FAT1: variants seen among roughly 807,000 people sequenced by gnomAD.
FAT1 encodes the protein FAT atypical cadherin 1.
A neutral mutation model predicts 329.8 loss-of-function variants in FAT1; 171 were observed. The observed-to-expected ratio is 0.52, with a 90% CI of 0.46 to 0.59. The LOEUF is 0.59. FAT1 is among the 20% of genes least tolerant of loss of function. FAT1 has a pLI of 0.00. For missense variants in FAT1, 5,672 were observed against 5,774.4 expected (o/e 0.98, Z 0.57); for synonymous variants, 2,233 against 2,228.6 (o/e 1.00, Z -0.06).
chr4:186,620,231 A>G lies in FAT1; in HGVS notation c.6355T>C (p.Tyr2119His), dbSNP rs760939328. 1.9e-5 allele frequency: 31 copies of G among 1,614,020 alleles called. No individual in the cohort carries two copies. The highest frequency in any genetic ancestry group is 2.5e-5 in the Non-Finnish European group (29 of 1,179,894). The change falls in exon 10 of 27, where the codon TAC (tyrosine) becomes CAC (histidine). Residue 2119 changes from tyrosine (Y) to histidine (H), a missense_variant. Coordinates refer to ENST00000441802, the MANE Select transcript of FAT1 (RefSeq NM_005245.4). ...DSGRNGEVHY[Y>H]LKEHHEHFQI... is the part of the protein sequence containing the mutation. Reference sequence around the variant, plus strand: ...AAGTGTTCATGATGTTCCTTGAGGTAGTAATGCACTTCCCCGTTTCTGCCA... The same window carrying G: ...AAGTGTTCATGATGTTCCTTGAGGTGGTAATGCACTTCCCCGTTTCTGCCA...
At position 186,600,067 on chromosome 4, in the gene FAT1, G is replaced by A. The variant is rs747904707; in HGVS notation, c.11934C>T (p.Asp3978=). ...QVGNGFRGCM[D]SIYLNGQELP... is the part of the protein sequence containing the mutation. ...GCTCCTGCCCATTCAAATAAATGGA[G>A]TCCATACAACCCCTGAAACCATTAC... Residue 3978 remains aspartate, a synonymous_variant, in exon 22 of 27, where the codon GAC becomes GAT. Transcript: ENST00000441802. 6.8e-6 allele frequency: 11 copies of A among 1,614,038 alleles called. No homozygotes were observed. Among genetic ancestry groups the A allele is most frequent in the Non-Finnish European group, 8.5e-6 (10 of 1,179,904 alleles).
chr4:186,632,629 A>G (rs1246433458), intron 7 of FAT1, among the ~76,000 whole-genome samples: 3 of 152,016 alleles, frequency 2.0e-5, no homozygotes, highest in Admixed American at 6.6e-5. Context: ...TCAATTTTAT[A>G]TACACTAAAA....
rs1744668047 is a variant in FAT1, at chr4:186,707,163, G to A, written c.2665C>T (p.His889Tyr). 1 of 1,613,948 alleles carries A rather than the reference G, an allele frequency of 6.2e-7. No individual in the cohort carries two copies. The highest frequency in any genetic ancestry group is 1.1e-5 in the South Asian group (1 of 91,068). The change falls in exon 2 of 27, where the codon CAT (histidine) becomes TAT (tyrosine). Residue 889 changes from histidine (H) to tyrosine (Y), a missense_variant. His to Tyr is a moderately conservative substitution (Grantham distance 83). Around this residue, in one of 2 missense-constraint regions of FAT1, gnomAD observed 3,966 missense variants for 3,915.2 expected, o/e 1.01. Coordinates refer to ENST00000441802, the MANE Select transcript of FAT1 (RefSeq NM_005245.4). ...IARPLDRELQHEHSLKIEARD... is the reference protein window; with the variant it reads ...IARPLDRELQYEHSLKIEARD... ...GCCTCAATCTTTAAGGAGTGCTCAT[G>A]CTGCAGCTCTCGATCCAGAGGGCGT...
chr4:186,723,583 G>A (rs1445129014), intron 1 of FAT1, 81 bp downstream of exon 1: 3 of 152,184 alleles, frequency 2.0e-5, no homozygotes, highest in Admixed American at 1.3e-4. Context: ...CCGGGGACCG[G>A]GCGGACACCC....
At chr4:186,604,110 G>A (rs189263992) in intron 18 of FAT1, 133 bp from the exon 19 acceptor site, 9 of 746,306 alleles carry the variant, frequency 1.2e-5, no homozygotes, top group Admixed American at 5.8e-5. Context: ...CACAAGAAAC[G>A]TATCAAAGAA....
Position 186,709,105 on chromosome 4 carries a change from G to A in FAT1, c.723C>T (p.Ala241=), listed in dbSNP as rs2126701576. ...CCTGTTCGATGTGCACCGTTAGCTT[G>A]GCCATGCTGCTGATGCCACTGCTCC... The part of the protein sequence containing the change: ...LYGSSGISSM[A]KLTVHIEQAN... The change falls in exon 2 of 27, where the codon GCC becomes GCT. Residue 241 remains alanine (A), a synonymous_variant. Coordinates refer to ENST00000441802, the MANE Select transcript of FAT1 (RefSeq NM_005245.4). 6.2e-7 allele frequency: 1 copy of A among 1,613,786 alleles called. No homozygotes were observed. Among genetic ancestry groups the A allele is most frequent in the East Asian group, 2.2e-5 (1 of 44,872 alleles).
intron 16 of FAT1, among the ~76,000 whole-genome samples, chr4:186,606,427 T>A (rs1192634621): frequency 6.6e-6 from 1 of 152,154 alleles, no homozygotes; most frequent in Non-Finnish European, 1.5e-5. Flanking sequence ...AATGATTAGA[T>A]TCTCTGATGC....
intron 21 of FAT1, 28 bp downstream of exon 21, chr4:186,601,241 T>C: frequency 6.6e-7 from 1 of 1,522,650 alleles, no homozygotes; most frequent in African/African-American, 1.4e-5. Context: ...AGTCTTCCAC[T>C]AAGATGCAAC....
intron 2 of FAT1, among the ~76,000 whole-genome samples, chr4:186,698,215 G>C (rs1744129059): frequency 6.6e-6 from 1 of 152,176 alleles, no homozygotes; most frequent in Non-Finnish European, 1.5e-5. Flanking sequence ...CATGGAGACG[G>C]ACTGAAGTCA....
chr4:186,660,232 C>T (rs775820781), intron 3 of FAT1, among the ~76,000 whole-genome samples: 3 of 152,126 alleles, frequency 2.0e-5, no homozygotes, highest in Non-Finnish European at 4.4e-5. Flanking sequence ...TGATACTGAC[C>T]TACCTGGGAA....
chr4:186,605,006 G>A (rs765991686), intron 17 of FAT1, among the ~76,000 whole-genome samples: 1 of 151,906 alleles, frequency 6.6e-6, no homozygotes, highest in Non-Finnish European at 1.5e-5. Flanking sequence ...ATCACCTGAG[G>A]TCAGGAGTTC....
chr4:186,670,321 C>T (rs1274214360), intron 2 of FAT1, among the ~76,000 whole-genome samples: 1 of 152,166 alleles, frequency 6.6e-6, no homozygotes, highest in Non-Finnish European at 1.5e-5. Context: ...TTAAAAGCTG[C>T]TTTGTTCAAT....
At position 186,621,106 on chromosome 4, in the gene FAT1, C is replaced by T. The variant is rs2126522213; in HGVS notation, c.5480G>A (p.Gly1827Asp). 1 of 1,613,676 alleles carries T rather than the reference C, an allele frequency of 6.2e-7. No homozygotes were observed. Among genetic ancestry groups the T allele is most frequent in the Non-Finnish European group, 8.5e-7 (1 of 1,179,876 alleles). Residue 1827 changes from glycine (G) to aspartate (D), a missense_variant, in exon 10 of 27, where the codon GGT becomes GAT. This residue lies in a region of FAT1 where 3,966 missense variants were observed against 3,915.2 expected (regional missense o/e 1.01). Coordinates refer to ENST00000441802, the MANE Select transcript of FAT1 (RefSeq NM_005245.4). The stretch of plus-strand genomic sequence containing the variant: ...CAGACTTAGTACTGTATGAATAGCA[C>T]CAGTGCTAGAATCAATAGCAAAATA... Reference protein sequence around the residue: ...HTYFAIDSSTGAIHTVLSLDY... With the variant: ...HTYFAIDSSTDAIHTVLSLDY...
In FAT1 at chr4:186,657,821, C is replaced by A. The variant is rs1419119938; in HGVS notation, c.3580+5478G>T. 5.3e-5 allele frequency among the ~76,000 whole-genome samples: 8 copies of A among 152,202 alleles called. No individual in the cohort carries two copies. In the East Asian group the frequency reaches 1.5e-3, roughly 29 times the overall value. On this transcript the variant is annotated intron_variant, in intron 3 of 26. Coordinates refer to ENST00000441802, the MANE Select transcript of FAT1 (RefSeq NM_005245.4). ...TAAATGCCAATTGTAAGTTGCATAT[C>A]AACTCCCCCAAGTTCAAAGCAATAA...
chr4:186,718,528 G>T (rs1018301291), intron 1 of FAT1, among the ~76,000 whole-genome samples: 1 of 151,976 alleles, frequency 6.6e-6, no homozygotes, highest in Non-Finnish European at 1.5e-5. Context: ...TTAGCCGGGC[G>T]TGGTGGCATG....
chr4:186,712,432 T>A (rs751633991), intron 1 of FAT1, among the ~76,000 whole-genome samples: 11 of 152,188 alleles, frequency 7.2e-5, no homozygotes, highest in Non-Finnish European at 1.5e-4. Flanking sequence ...TTTAATTCCT[T>A]TTACATAGGT....
At chr4:186,602,804 AC>A in intron 20 of FAT1, 98 bp downstream of exon 20, 1 of 1,282,320 alleles carries the variant, frequency 7.8e-7, no homozygotes, top group Non-Finnish European at 1.1e-6. Flanking sequence ...CAATAAACAT[AC>A]TTTGCAATAT....
At chr4:186,667,009 C>T (rs1742472799) in intron 2 of FAT1, among the ~76,000 whole-genome samples, 1 of 152,198 alleles carries the variant, frequency 6.6e-6, no homozygotes. Context: ...AGTCAAACTT[C>T]CTATTTCATC....
In FAT1 at chr4:186,609,257, T is replaced by G. The variant is rs1739281728; in HGVS notation, c.10132A>C (p.Asn3378His). 5 of 1,613,950 alleles carry G rather than the reference T, an allele frequency of 3.1e-6. No individual in the cohort carries two copies. Among genetic ancestry groups the G allele is most frequent in the Non-Finnish European group, 4.2e-6 (5 of 1,179,908 alleles). Residue 3378 changes from asparagine (N) to histidine (H), a missense_variant, in exon 16 of 27, where the codon AAC (asparagine) becomes CAC (histidine). Physicochemically the swap from Asn to His is moderately conservative, Grantham distance 68 (BLOSUM62 1). Around this residue, in one of 2 missense-constraint regions of FAT1, gnomAD observed 1,706 missense variants for 1,859.1 expected, o/e 0.92. Transcript: ENST00000441802. ...TCAATTGTGAACGAGCTTCCTTGGT[T>G]GCCATCTATAATTGAGTAGTGGATG... ...SHIHYSIIDG[N>H]QGSSFTIDPV...
Sources: gnomAD v4.1 joint callset for allele counts (sites outside exome capture counted in the v4.1 genomes callset) on GRCh38, gnomAD v4.1.1 for gene constraint, gnomAD v4.1.1 regional missense constraint, MANE v1.5 for transcripts, NCBI Gene and HGNC (gene_info 2026-07-23, HGNC 2026-07-21) for gene names.